Variants in FAM107B observed in about 807,000 individuals in gnomAD.
The protein encoded by FAM107B is family with sequence similarity 107 member B.
Under a neutral mutation model 31.5 loss-of-function variants are expected in FAM107B, and 21 were observed. The ratio of observed to expected loss-of-function variants is 0.67; its 90% CI spans 0.47 to 0.96. The LOEUF is 0.96. Ranked by LOEUF, FAM107B falls within the 40% of genes least tolerant of loss-of-function variation. The pLI is 0.00. For synonymous variants in FAM107B, 157 were observed against 141.5 expected (o/e 1.11, Z -0.78); for missense variants, 452 against 377.1 (o/e 1.20, Z -1.64).
chr10:14,572,739 T>TTATATA (rs61477094), intron 2 of FAM107B, among the ~76,000 whole-genome samples: 3 of 91,992 alleles, frequency 3.3e-5, no homozygotes, highest in African/African-American at 1.1e-4. Flanking sequence ...AAAAAAAAAT[T>TTATATA]TATATATATA....
At chr10:14,687,056 C>G (rs941736999) in intron 1 of FAM107B, among the ~76,000 whole-genome samples, 1 of 152,206 alleles carries the variant, frequency 6.6e-6, no homozygotes, top group African/African-American at 2.4e-5. Flanking sequence ...AGATGCTGAA[C>G]GATTTCCTTG....
intron 1 of FAM107B, among the ~76,000 whole-genome samples, chr10:14,672,277 G>A (rs1454797683): frequency 3.3e-5 from 5 of 151,866 alleles, no homozygotes; most frequent in African/African-American, 7.3e-5. Flanking sequence ...TAGTGGAGAC[G>A]GGATTTCACC....
rs73599366 is a variant in FAM107B at position 14,522,104 on chromosome 10, C to T, written c.654-85G>A. 3,009 of 1,514,864 alleles carry T rather than the reference C, an allele frequency of 2.0e-3. 49 individuals carry two copies. In the African/African-American group the frequency reaches 0.037, roughly 19 times the overall value. The allele number at this position is 1,514,864 out of a possible 1,614,324, so 93.8% of individuals were successfully genotyped here. On this transcript the variant is annotated intron_variant, in intron 3 of 4. Transcript: ENST00000181796. ...ACAGAAATTTAACTTACAATATCAA[C>T]CACGGAAAAGTGGTCTACAAAATTA... is the stretch of plus-strand genomic sequence containing the variant.
At chr10:14,624,439 C>T (rs1265884883) in intron 2 of FAM107B, among the ~76,000 whole-genome samples, 1 of 152,090 alleles carries the variant, frequency 6.6e-6, no homozygotes, top group Non-Finnish European at 1.5e-5. Flanking sequence ...GAATTGGACA[C>T]CAGCTGGCCA....
At position 14,677,348 on chromosome 10, in the gene FAM107B, G is replaced by A. The variant is rs1165748675; in HGVS notation, c.412-9657C>T. ...TAAAGCTACAGATACCTGGCCGGGC[G>A]CGGTGGCTCAATCCTGTAATCCCAG... is the stretch of plus-strand genomic sequence containing the variant. On this transcript the variant is annotated intron_variant, in intron 1 of 4. Transcript: ENST00000181796. 6.6e-5 allele frequency among the ~76,000 whole-genome samples: 10 copies of A among 152,164 alleles called. No homozygotes were observed. In the East Asian group the frequency reaches 1.5e-3, roughly 23 times the overall value.
intron 1 of FAM107B, among the ~76,000 whole-genome samples, chr10:14,729,002 GT>G (rs138124990): frequency 1.3e-5 from 2 of 151,002 alleles, no homozygotes; most frequent in African/African-American, 2.4e-5. Flanking sequence ...TATGTGTTTT[GT>G]TTTTTTTTAA....
intron 2 of FAM107B, among the ~76,000 whole-genome samples, chr10:14,662,779 G>T (rs1426798293): frequency 6.6e-6 from 1 of 152,228 alleles, no homozygotes; most frequent in Non-Finnish European, 1.5e-5. Context: ...AAGCGAAGGT[G>T]TAGAGGAGGG....
chr10:14,612,071 T>C (rs951237354), intron 2 of FAM107B, among the ~76,000 whole-genome samples: 1 of 151,816 alleles, frequency 6.6e-6, no homozygotes, highest in Non-Finnish European at 1.5e-5. Flanking sequence ...CAGGCTTGTC[T>C]GGAAGAGAGA....
At chr10:14,648,406 G>C (rs1853817513) in intron 2 of FAM107B, among the ~76,000 whole-genome samples, 1 of 152,214 alleles carries the variant, frequency 6.6e-6, no homozygotes, top group African/African-American at 2.4e-5. Flanking sequence ...CCTGTTGCTA[G>C]GGAACCACTT....
intron 2 of FAM107B, among the ~76,000 whole-genome samples, chr10:14,598,085 G>A (rs1852245712): frequency 6.6e-6 from 1 of 152,118 alleles, no homozygotes; most frequent in Non-Finnish European, 1.5e-5. Context: ...ACCCCTTATT[G>A]GATATGTAGT....
chr10:14,568,250 G>T (rs1384770846), intron 2 of FAM107B, among the ~76,000 whole-genome samples: 1 of 151,580 alleles, frequency 6.6e-6, no homozygotes, highest in Non-Finnish European at 1.5e-5. Flanking sequence ...CAGGGTGGGA[G>T]AAGGTGCACT....
chr10:14,554,559 G>C (rs956803655), intron 2 of FAM107B, among the ~76,000 whole-genome samples: 1 of 152,188 alleles, frequency 6.6e-6, no homozygotes, highest in African/African-American at 2.4e-5. Context: ...GTTGAGACTT[G>C]GGGATCTGGT....
At chr10:14,656,785 C>T (rs1015015313) in intron 2 of FAM107B, among the ~76,000 whole-genome samples, 3 of 151,990 alleles carry the variant, frequency 2.0e-5, no homozygotes, top group African/African-American at 7.2e-5. Context: ...CAGCTTGCAG[C>T]ACACACAAAA....
Position 14,599,845 on chromosome 10 carries a change from T to C in FAM107B, c.469+67789A>G, listed in dbSNP as rs988492244. Reference sequence around the variant, plus strand: ...CCTGCTGTGGGATCACTGCTATTCCTTGATCTACAAAAAAAAAAAAAAAAA... The same window carrying C: ...CCTGCTGTGGGATCACTGCTATTCCCTGATCTACAAAAAAAAAAAAAAAAA... On this transcript the variant is annotated intron_variant, in intron 2 of 4. Coordinates refer to ENST00000181796, the MANE Select transcript of FAM107B (RefSeq NM_031453.4). Among the ~76,000 whole-genome samples the C allele has an allele frequency of 5.6e-5, 7 of 124,034 alleles. No homozygotes were observed. In the Admixed American group the frequency reaches 5.8e-4, roughly 10 times the overall value. The allele number at this position is 124,034 out of a possible 152,430, so 81.4% of individuals were successfully genotyped here. A position where few individuals can be genotyped will look rare whatever the true frequency, so the allele number is the denominator to read the frequency against.
chr10:14,572,633 C>T (rs1397792252), intron 2 of FAM107B, among the ~76,000 whole-genome samples: 1 of 150,150 alleles, frequency 6.7e-6, no homozygotes, highest in Non-Finnish European at 1.5e-5. Flanking sequence ...ATCGCTTGTA[C>T]CCAGGAGTTT....
chr10:14,628,112 G>GTTTTTTTTTGTTTTTTTTT (rs58879328), intron 2 of FAM107B, among the ~76,000 whole-genome samples: 1,084 of 92,582 alleles, frequency 0.012, 99 homozygotes, highest in East Asian at 0.08. Context: ...TGTTTTGCTG[G>GTTTTTTTTTGTTTTTTTTT]TTTTTTTTTT....
intron 1 of FAM107B, among the ~76,000 whole-genome samples, chr10:14,716,390 C>T (rs985952504): frequency 1.3e-5 from 2 of 152,224 alleles, no homozygotes; most frequent in Non-Finnish European, 1.5e-5. Context: ...GCAGGAGGCC[C>T]AGTGCCTTGC....
rs534105676 is a variant in FAM107B, at chr10:14,684,675, G to A, written c.412-16984C>T. Among the ~76,000 whole-genome samples, 17 of 152,196 alleles carry A rather than the reference G, an allele frequency of 1.1e-4. 1 individual carries two copies. The highest frequency in any genetic ancestry group is 3.4e-4 in the African/African-American group (14 of 41,528). On this transcript the variant is annotated intron_variant, in intron 1 of 4. Transcript: ENST00000181796. The stretch of plus-strand genomic sequence containing the variant: ...AATGATAGAATGTGATAGAATAAGG[G>A]TTTTGTTCAAAACTGAGACACACTT...
chr10:14,711,092 T>C (rs1855635870), intron 1 of FAM107B, among the ~76,000 whole-genome samples: 2 of 152,092 alleles, frequency 1.3e-5, no homozygotes, highest in South Asian at 2.1e-4. Flanking sequence ...TGTATTTTTT[T>C]AGTAGAGATG....
Sources: gnomAD v4.1 joint callset for allele counts (sites outside exome capture counted in the v4.1 genomes callset) on GRCh38, gnomAD v4.1.1 for gene constraint, MANE v1.5 for transcripts, NCBI Gene and HGNC (gene_info 2026-07-23, HGNC 2026-07-21) for gene names.